POU3F2: variants seen among roughly 807,000 people sequenced by gnomAD.
POU3F2 encodes the protein POU class 3 homeobox 2, also known as POU domain, class 3, transcription factor 2.
POU3F2 carries 11 observed loss-of-function variants against 33.1 expected under a neutral mutation model. That is an observed-to-expected ratio of 0.33 (90% CI 0.21 to 0.55). The LOEUF (loss-of-function observed/expected upper bound fraction) is 0.55, where lower values mean the gene tolerates loss of function less well. Among genes scored for constraint, POU3F2 ranks in the 20% least tolerant of loss-of-function variants. The pLI, the probability that POU3F2 is intolerant of heterozygous loss-of-function variation, is 0.91. For missense variants in POU3F2, 456 were observed against 620.2 expected (o/e 0.74, Z 2.81); for synonymous variants, 332 against 289.6 (o/e 1.15, Z -1.49).
chr6:98,837,942 T>A lies in POU3F2; in HGVS notation c.*1737T>A, dbSNP rs752872554. ...TATTAATCTTAAAAGTTTGGGGGTTTTTTTCCAGTTAGGTATTAGATAAAT... is the reference window on the plus strand; with the variant it reads ...TATTAATCTTAAAAGTTTGGGGGTTATTTTCCAGTTAGGTATTAGATAAAT... On this transcript the variant is annotated 3_prime_UTR_variant, in exon 1 of 1. Transcript: ENST00000328345. 5.4e-5 allele frequency: 9 copies of A among 166,620 alleles called. No homozygotes were observed. The highest frequency in any genetic ancestry group is 1.0e-4 in the Non-Finnish European group (7 of 68,106). The allele number at this position is 166,620 out of a possible 1,614,324, so 10.3% of individuals were successfully genotyped here.
rs995634859 is a variant in POU3F2 at position 98,836,815 on chromosome 6, T to G, written c.*610T>G. 1.2e-5 allele frequency: 2 copies of G among 167,206 alleles called. No individual in the cohort carries two copies. Among genetic ancestry groups the G allele is most frequent in the South Asian group, 4.1e-4 (2 of 4,826 alleles). 10.4% of individuals were successfully genotyped at this position (167,206 alleles called of 1,614,324 possible). On this transcript the variant is annotated 3_prime_UTR_variant, in exon 1 of 1. Coordinates refer to ENST00000328345, the MANE Select transcript of POU3F2 (RefSeq NM_005604.4). ...ACCGTTAATTTGGGAGTTGCCGTTT[T>G]GGGGGATTTTGTTTTGCTTTGCTTT...
At position 98,836,475 on chromosome 6, in the gene POU3F2, T is replaced by A. The variant is rs913372002; in HGVS notation, c.*270T>A. 5 of 370,522 alleles carry A rather than the reference T, an allele frequency of 1.3e-5. No homozygotes were observed. Among genetic ancestry groups the A allele is most frequent in the Non-Finnish European group, 2.0e-5 (4 of 202,294 alleles). 23.0% of individuals were successfully genotyped at this position (370,522 alleles called of 1,614,324 possible). ...GGAGTGGAGTGTCTCCTGGAGAGAG[T>A]GAGGAGAGTGTGTGATAGCTAGAAA... On this transcript the variant is annotated 3_prime_UTR_variant, in exon 1 of 1. Transcript: ENST00000328345.
chr6:98,835,599 G>A lies in POU3F2; in HGVS notation c.726G>A (p.Pro242=). 4 of 1,607,868 alleles carry A rather than the reference G, an allele frequency of 2.5e-6. No individual in the cohort carries two copies. Among genetic ancestry groups the A allele is most frequent in the Non-Finnish European group, 3.4e-6 (4 of 1,178,250 alleles). ...HSHPHQQPPP[P]PPPQGPPGHP... ...ACCCACACCAGCAGCCGCCGCCCCC[G>A]CCGCCCCCGCAGGGTCCGCCTGGCC... Residue 242 remains proline, a synonymous_variant, in exon 1 of 1, where the codon CCG becomes CCA. Transcript: ENST00000328345. The surrounding 1 kb of genome is among the most constrained non-coding windows in gnomAD (Gnocchi z 9.7).
In POU3F2 at chr6:98,837,710, TC is replaced by T. The variant is rs1770018010; in HGVS notation, c.*1507del. 6.0e-6 allele frequency: 1 copy of T among 167,018 alleles called. No individual in the cohort carries two copies. The highest frequency in any genetic ancestry group is 1.9e-4 in the East Asian group (1 of 5,202). The allele number at this position is 167,018 out of a possible 1,614,324, so 10.3% of individuals were successfully genotyped here. A position where few individuals can be genotyped will look rare whatever the true frequency, so the allele number is the denominator to read the frequency against. ...AAAAAAAAATGCCATTTTCAATCCTTCCTTTCTCCCCTTTGTTAATAGTTTT... is the reference window on the plus strand; with the variant it reads ...AAAAAAAAATGCCATTTTCAATCCTTCTTTCTCCCCTTTGTTAATAGTTTT... On this transcript the variant is annotated 3_prime_UTR_variant, in exon 1 of 1. Transcript: ENST00000328345.
rs1769994735 is a variant in POU3F2, at chr6:98,836,163, G to A, written c.1290G>A (p.Arg430=). The stretch of plus-strand genomic sequence containing the variant: ...CCGAGGATGTGTACGGGGGGAGTAG[G>A]GACACTCCACCACACCACGGGGTGC... ...PGAEDVYGGS[R]DTPPHHGVQT... Residue 430 remains arginine, a synonymous_variant, in exon 1 of 1, where the codon AGG becomes AGA. Coordinates refer to ENST00000328345, the MANE Select transcript of POU3F2 (RefSeq NM_005604.4). 2 of 1,597,858 alleles carry A rather than the reference G, an allele frequency of 1.3e-6. No homozygotes were observed. The highest frequency in any genetic ancestry group is 1.4e-5 in the African/African-American group (1 of 73,552).
In POU3F2 at chr6:98,835,111, G is replaced by C. The variant is rs1436784240; in HGVS notation, c.238G>C (p.Gly80Arg). The change falls in exon 1 of 1, where the codon GGC becomes CGC. Residue 80 changes from glycine to arginine, a missense_variant. Around this residue, in one of 6 missense-constraint regions of POU3F2, gnomAD observed 341 missense variants for 382.4 expected, o/e 0.89. Coordinates refer to ENST00000328345, the MANE Select transcript of POU3F2 (RefSeq NM_005604.4). This position sits in a 1 kb window ranked among gnomAD's most constrained non-coding sequence, Gnocchi z 9.7. ...CGGGGGCGGTGGCGGCGGCGGGGGG[G>C]GCGGGGGCGGCGGCGGGGGCGGCGG... ...GGGGGGGGGGGGGGGGGGGDG... is the reference protein window; with the variant it reads ...GGGGGGGGGGRGGGGGGGGDG... 8.3e-7 allele frequency: 1 copy of C among 1,207,008 alleles called. No individual in the cohort carries two copies. The highest frequency in any genetic ancestry group is 1.0e-6 in the Non-Finnish European group (1 of 973,254). 74.8% of individuals were successfully genotyped at this position (1,207,008 alleles called of 1,614,324 possible). A position where few individuals can be genotyped will look rare whatever the true frequency, so the allele number is the denominator to read the frequency against.
Position 98,834,577 on chromosome 6 carries a change from G to A in POU3F2, c.-297G>A, listed in dbSNP as rs1451893060. 1 of 423,306 alleles carries A rather than the reference G, an allele frequency of 2.4e-6. No individual in the cohort carries two copies. The highest frequency in any genetic ancestry group is 4.3e-6 in the Non-Finnish European group (1 of 232,732). 26.2% of individuals were successfully genotyped at this position (423,306 alleles called of 1,614,324 possible). ...CCGGCGCTGCCAAGAGAGCGGGAGAGAGCTGGAGAGAGCAGGGAGAGGGGG... is the reference window on the plus strand; with the variant it reads ...CCGGCGCTGCCAAGAGAGCGGGAGAAAGCTGGAGAGAGCAGGGAGAGGGGG... On this transcript the variant is annotated 5_prime_UTR_variant, in exon 1 of 1. Coordinates refer to ENST00000328345, the MANE Select transcript of POU3F2 (RefSeq NM_005604.4).
In POU3F2 at chr6:98,836,010, C is replaced by G. The variant is rs1254825149; in HGVS notation, c.1137C>G (p.Pro379=). ...LESHFLKCPK[P]SAQEITSLAD... ...GCCATTTCCTCAAATGCCCCAAGCC[C>G]TCGGCCCAGGAGATCACCTCCCTCG... Residue 379 remains proline, a synonymous_variant, in exon 1 of 1, where the codon CCC becomes CCG. Coordinates refer to ENST00000328345, the MANE Select transcript of POU3F2 (RefSeq NM_005604.4). The G allele has an allele frequency of 2.5e-6, 4 of 1,612,880 alleles. No individual in the cohort carries two copies. Among genetic ancestry groups the G allele is most frequent in the Admixed American group, 1.7e-5 (1 of 59,522 alleles).
chr6:98,836,803 G>A lies in POU3F2; in HGVS notation c.*598G>A, dbSNP rs1239558948. 1 of 166,954 alleles carries A rather than the reference G, an allele frequency of 6.0e-6. No homozygotes were observed. Among genetic ancestry groups the A allele is most frequent in the Non-Finnish European group, 1.5e-5 (1 of 68,122 alleles). The allele number at this position is 166,954 out of a possible 1,614,324, so 10.3% of individuals were successfully genotyped here. On this transcript the variant is annotated 3_prime_UTR_variant, in exon 1 of 1. Transcript: ENST00000328345. ...CTCTTTCTCCCCACCGTTAATTTGGGAGTTGCCGTTTTGGGGGATTTTGTT... is the reference window on the plus strand; with the variant it reads ...CTCTTTCTCCCCACCGTTAATTTGGAAGTTGCCGTTTTGGGGGATTTTGTT...
In POU3F2 at chr6:98,835,953, C is replaced by G; in HGVS notation, c.1080C>G (p.Ser360=). The G allele has an allele frequency of 5.0e-6, 8 of 1,614,214 alleles. No homozygotes were observed. Among genetic ancestry groups the G allele is most frequent in the Non-Finnish European group, 6.8e-6 (8 of 1,180,044 alleles). ...GGCGCAAGCGGAAAAAGCGGACCTC[C>G]ATCGAGGTGAGCGTCAAGGGGGCTC... ...AQGRKRKKRT[S]IEVSVKGALE... Residue 360 remains serine (S), a synonymous_variant, in exon 1 of 1, where the codon TCC becomes TCG. Coordinates refer to ENST00000328345, the MANE Select transcript of POU3F2 (RefSeq NM_005604.4). The surrounding 1 kb of genome is among the most constrained non-coding windows in gnomAD (Gnocchi z 9.7).
At position 98,835,616 on chromosome 6, in the gene POU3F2, C is replaced by T. The variant is rs1203933654; in HGVS notation, c.743C>T (p.Pro248Leu). ...CCGCCCCCGCCGCCCCCGCAGGGTC[C>T]GCCTGGCCACCCAGGCGCGCACCAC... ...QPPPPPPPQG[P>L]PGHPGAHHDP... is the part of the protein sequence containing the mutation. Residue 248 changes from proline (P) to leucine (L), a missense_variant, in exon 1 of 1, where the codon CCG (proline) becomes CTG (leucine). Pro to Leu is a moderately conservative substitution (Grantham distance 98, BLOSUM62 -3). This residue lies in a region of POU3F2 where 341 missense variants were observed against 382.4 expected (regional missense o/e 0.89). Coordinates refer to ENST00000328345, the MANE Select transcript of POU3F2 (RefSeq NM_005604.4). The surrounding 1 kb of genome is among the most constrained non-coding windows in gnomAD (Gnocchi z 9.7). 13 of 1,611,780 alleles carry T rather than the reference C, an allele frequency of 8.1e-6. No individual in the cohort carries two copies. The highest frequency in any genetic ancestry group is 2.2e-5 in the South Asian group (2 of 91,040).
In POU3F2 at chr6:98,838,909, A is replaced by G. The variant is rs1415016887; in HGVS notation, c.*2704A>G. The G allele has an allele frequency of 2.6e-5, 4 of 152,238 alleles. No individual in the cohort carries two copies. Among genetic ancestry groups the G allele is most frequent in the African/African-American group, 7.2e-5 (3 of 41,424 alleles). The allele number at this position is 152,238 out of a possible 1,614,324, so 9.4% of individuals were successfully genotyped here. A position where few individuals can be genotyped will look rare whatever the true frequency, so the allele number is the denominator to read the frequency against. On this transcript the variant is annotated 3_prime_UTR_variant, in exon 1 of 1. Transcript: ENST00000328345. ...GACTGAGTTGAGTTGTGTGTAAAAC[A>G]CTTCCCTTCCTTTATACTTCATAAA...
chr6:98,834,807 A>G lies in POU3F2; in HGVS notation c.-67A>G, dbSNP rs1033037887. ...AGAGCGAGCGAGGAGAGGGAGCCCG[A>G]GGCGAAAAAGTAACTGTCAAATGCG... On this transcript the variant is annotated 5_prime_UTR_variant, in exon 1 of 1. Coordinates refer to ENST00000328345, the MANE Select transcript of POU3F2 (RefSeq NM_005604.4). The G allele has an allele frequency of 6.5e-7, 1 of 1,536,458 alleles. No homozygotes were observed. The highest frequency in any genetic ancestry group is 1.8e-5 in the Admixed American group (1 of 56,464).
Position 98,836,225 on chromosome 6 carries a change from C to T in POU3F2, c.*20C>T. On this transcript the variant is annotated 3_prime_UTR_variant, in exon 1 of 1. Transcript: ENST00000328345. Reference sequence around the variant, plus strand: ...CAGTGAACTCGAGCTGGGGGAGGGGCAGAGCGCGGGGCTCCCCCTCCCCTT... The same window carrying T: ...CAGTGAACTCGAGCTGGGGGAGGGGTAGAGCGCGGGGCTCCCCCTCCCCTT... The T allele has an allele frequency of 6.4e-7, 1 of 1,552,024 alleles. No individual in the cohort carries two copies. The highest frequency in any genetic ancestry group is 8.6e-7 in the Non-Finnish European group (1 of 1,159,108).
chr6:98,835,175 C>T lies in POU3F2; in HGVS notation c.302C>T (p.Pro101Leu). ...TGGTCCACCAGCCCCCTGGGCCAGCCGGACATCAAGCCCTCGGTGGTGGTG... is the reference window on the plus strand; with the variant it reads ...TGGTCCACCAGCCCCCTGGGCCAGCTGGACATCAAGCCCTCGGTGGTGGTG... ...SPWSTSPLGQ[P>L]DIKPSVVVQQ... Residue 101 changes from proline to leucine, a missense_variant, in exon 1 of 1, where the codon CCG becomes CTG. Coordinates refer to ENST00000328345, the MANE Select transcript of POU3F2 (RefSeq NM_005604.4). This position sits in a 1 kb window ranked among gnomAD's most constrained non-coding sequence, Gnocchi z 9.7. 2 of 1,481,090 alleles carry T rather than the reference C, an allele frequency of 1.4e-6. No homozygotes were observed. The highest frequency in any genetic ancestry group is 8.9e-7 in the Non-Finnish European group (1 of 1,120,042). The allele number at this position is 1,481,090 out of a possible 1,614,324, so 91.7% of individuals were successfully genotyped here. A position where few individuals can be genotyped will look rare whatever the true frequency, so the allele number is the denominator to read the frequency against.
Position 98,835,075 on chromosome 6 carries a change from G to T in POU3F2, c.202G>T (p.Gly68Cys). Residue 68 changes from glycine to cysteine, a missense_variant, in exon 1 of 1, where the codon GGC becomes TGC. This residue lies in a region of POU3F2 where 341 missense variants were observed against 382.4 expected (regional missense o/e 0.89). Coordinates refer to ENST00000328345, the MANE Select transcript of POU3F2 (RefSeq NM_005604.4). This position sits in a 1 kb window ranked among gnomAD's most constrained non-coding sequence, Gnocchi z 9.7. ...CCAGTGGATCACCGCGCTGTCCCAC[G>T]GCGGCGGCGGCGGGGGCGGTGGCGG... ...AHQWITALSH[G>C]GGGGGGGGGG... The T allele has an allele frequency of 8.2e-7, 1 of 1,215,320 alleles. No homozygotes were observed. Among genetic ancestry groups the T allele is most frequent in the East Asian group, 3.2e-5 (1 of 30,888 alleles). The allele number at this position is 1,215,320 out of a possible 1,614,324, so 75.3% of individuals were successfully genotyped here.
rs1289313862 is a variant in POU3F2, at chr6:98,835,010, G to A, written c.137G>A (p.Gly46Asp). 1.3e-6 allele frequency: 2 copies of A among 1,584,904 alleles called. No individual in the cohort carries two copies. Among genetic ancestry groups the A allele is most frequent in the Admixed American group, 3.4e-5 (2 of 58,364 alleles). Residue 46 changes from glycine (G) to aspartate (D), a missense_variant, in exon 1 of 1, where the codon GGC becomes GAC. Physicochemically the swap from Gly to Asp is moderately conservative, Grantham distance 94. Around this residue, in one of 6 missense-constraint regions of POU3F2, gnomAD observed 341 missense variants for 382.4 expected, o/e 0.89. Coordinates refer to ENST00000328345, the MANE Select transcript of POU3F2 (RefSeq NM_005604.4). This position sits in a 1 kb window ranked among gnomAD's most constrained non-coding sequence, Gnocchi z 9.7. Reference protein sequence around the residue: ...EAQSLVQGDYGALQSNGHPLS... With the variant: ...EAQSLVQGDYDALQSNGHPLS... ...CAGAGCCTGGTGCAGGGCGACTACG[G>A]CGCTCTGCAGAGCAACGGACACCCG...
rs190040379 is a variant in POU3F2, at chr6:98,838,290, G to A, written c.*2085G>A. ...ATCCAGAGCAGGGCAAATAGCCACT[G>A]GTAAAGGGAGGAAATGAATTTCCAG... On this transcript the variant is annotated 3_prime_UTR_variant, in exon 1 of 1. Transcript: ENST00000328345. The A allele has an allele frequency of 2.4e-3, 408 of 167,092 alleles. 2 individuals carry two copies. Among genetic ancestry groups the A allele is most frequent in the Non-Finnish European group, 4.2e-3 (284 of 68,086 alleles). 10.4% of individuals were successfully genotyped at this position (167,092 alleles called of 1,614,324 possible).
Position 98,836,238 on chromosome 6 carries a change from TC to T in POU3F2, c.*38del, listed in dbSNP as rs764356762. The T allele has an allele frequency of 1.8e-5, 28 of 1,541,512 alleles. No homozygotes were observed. Among genetic ancestry groups the T allele is most frequent in the South Asian group, 3.8e-5 (3 of 78,266 alleles). On this transcript the variant is annotated 3_prime_UTR_variant, in exon 1 of 1. Coordinates refer to ENST00000328345, the MANE Select transcript of POU3F2 (RefSeq NM_005604.4). ...CTGGGGGAGGGGCAGAGCGCGGGGC[TC>T]CCCCTCCCCTTCGGTCCTTGGCCCT... is the stretch of plus-strand genomic sequence containing the variant.
Sources: gnomAD v4.1 joint callset for allele counts on GRCh38, gnomAD v4.1.1 for gene constraint, gnomAD v4.1.1 regional missense constraint, Gnocchi (gnomAD v3.1) non-coding constraint, MANE v1.5 for transcripts, NCBI Gene and HGNC (gene_info 2026-07-23, HGNC 2026-07-21) for gene names.